Variants in MCC observed in about 807,000 individuals in gnomAD.
MCC encodes the protein MCC regulator of Wnt signaling pathway.
MCC carries 90 observed loss-of-function variants against 116.2 expected under a neutral mutation model. That is an observed-to-expected ratio of 0.77 (90% confidence interval 0.65 to 0.92). The LOEUF (loss-of-function observed/expected upper bound fraction) is 0.92. Among genes scored for constraint, MCC ranks in the 40% least tolerant of loss-of-function variants. MCC has a pLI of 0.00. For synonymous variants in MCC, 578 were observed against 510.5 expected (o/e 1.13, Z -1.78); for missense variants, 1,516 against 1,312.2 (o/e 1.16, Z -2.40).
chr5:113,279,012 T>C (rs559751001), intron 3 of MCC, among the ~76,000 whole-genome samples: 1 of 152,348 alleles, frequency 6.6e-6, no homozygotes, highest in East Asian at 1.9e-4. Context: ...GTCGTTGGTA[T>C]ATTAAAGGCA....
At position 113,318,043 on chromosome 5, in the gene MCC, G is replaced by A. The variant is rs887893902; in HGVS notation, c.627+22476C>T. ...ATCAATTATGAAGAGGTGGAGGTCA[G>A]AGGATTTCCAATTATTGATATTGCA... On this transcript the variant is annotated intron_variant, in intron 3 of 18. Coordinates refer to ENST00000408903, the MANE Select transcript of MCC (RefSeq NM_001085377.2). Among the ~76,000 whole-genome samples the A allele has an allele frequency of 2.6e-5, 4 of 152,324 alleles. No homozygotes were observed. The Middle Eastern group carries it at 0.01, about 389-fold the overall frequency.
chr5:113,236,126 T>G (rs894212554), intron 3 of MCC, among the ~76,000 whole-genome samples: 11 of 152,034 alleles, frequency 7.2e-5, no homozygotes, highest in Non-Finnish European at 1.5e-5. Flanking sequence ...TTAAAGGCTC[T>G]CTGATCTGCA....
intron 3 of MCC, among the ~76,000 whole-genome samples, chr5:113,180,006 T>C (rs1478266217): frequency 6.6e-6 from 1 of 152,180 alleles, no homozygotes; most frequent in Non-Finnish European, 1.5e-5. Flanking sequence ...ATGTGCTAAA[T>C]ATGCCCTAGA....
chr5:113,046,710 A>AAAAAAAG lies in MCC; in HGVS notation c.2655+2382_2655+2383insCTTTTTT. Among the ~76,000 whole-genome samples the AAAAAAAG allele has an allele frequency of 1.2e-3, 125 of 102,452 alleles. 17 individuals are homozygous for AAAAAAAG. Among genetic ancestry groups the AAAAAAAG allele is most frequent in the Non-Finnish European group, 1.6e-3 (82 of 51,336 alleles). 67.2% of individuals were successfully genotyped at this position (102,452 alleles called of 152,430 possible). ...CAAAAAAAAAAAAAAAAAAAAAAAAAAGAGAGAGATTTTGAAGGTGTTTGT... is the reference window on the plus strand; with the variant it reads ...CAAAAAAAAAAAAAAAAAAAAAAAAAAAAAAAGAGAGAGAGATTTTGAAGGTGTTTGT... On this transcript the variant is annotated intron_variant, in intron 16 of 18. Transcript: ENST00000408903.
intron 3 of MCC, among the ~76,000 whole-genome samples, chr5:113,190,353 G>A (rs762023427): frequency 6.6e-5 from 10 of 152,154 alleles, no homozygotes; most frequent in African/African-American, 9.7e-5. Context: ...GCAGGCAATC[G>A]CGCTTCCCTA....
At chr5:113,331,147 G>A (rs1767687393) in intron 3 of MCC, among the ~76,000 whole-genome samples, 1 of 148,376 alleles carries the variant, frequency 6.7e-6, no homozygotes, top group South Asian at 2.1e-4. Context: ...AGAGGTTCTG[G>A]GTTCCTGGCA....
intron 3 of MCC, among the ~76,000 whole-genome samples, chr5:113,332,794 ATTTT>A (rs2150375396): frequency 6.6e-6 from 1 of 151,764 alleles, no homozygotes; most frequent in South Asian, 2.1e-4. Context: ...TAACATCCAA[ATTTT>A]ACAGATTCTA....
intron 13 of MCC, among the ~76,000 whole-genome samples, chr5:113,065,574 C>T (rs1561772043): frequency 6.6e-6 from 1 of 152,138 alleles, no homozygotes; most frequent in Non-Finnish European, 1.5e-5. Flanking sequence ...CACTCAGAGT[C>T]CCACCCTCCA....
chr5:113,366,700 C>T (rs1432982653), intron 2 of MCC, among the ~76,000 whole-genome samples: 1 of 152,164 alleles, frequency 6.6e-6, no homozygotes, highest in Non-Finnish European at 1.5e-5. Flanking sequence ...TCCTCATTTA[C>T]TTAGATTTTA....
At chr5:113,145,807 A>C (rs73778950) in intron 4 of MCC, among the ~76,000 whole-genome samples, 15 of 107,108 alleles carry the variant, frequency 1.4e-4, no homozygotes, top group East Asian at 9.5e-4. Flanking sequence ...CACACACACA[A>C]AAGACCCTGT....
At chr5:113,206,586 G>A (rs967266561) in intron 3 of MCC, among the ~76,000 whole-genome samples, 3 of 152,108 alleles carry the variant, frequency 2.0e-5, no homozygotes, top group African/African-American at 7.2e-5. Flanking sequence ...GTTCATGCCT[G>A]TAATCCCAGC....
In MCC at chr5:113,023,146, T is replaced by TTAGAG. The variant is rs1750270370; in HGVS notation, c.*4151_*4155dup. 1 of 152,146 alleles carries TTAGAG rather than the reference T, an allele frequency of 6.6e-6. No individual in the cohort carries two copies. The highest frequency in any genetic ancestry group is 2.4e-5 in the African/African-American group (1 of 41,432). The allele number at this position is 152,146 out of a possible 1,614,324, so 9.4% of individuals were successfully genotyped here. ...TCTTAGAGAATACAAATGTATTAAG[T>TTAGAG]TAGAGTAATTTCAGGTGTGTTAAAC... On this transcript the variant is annotated 3_prime_UTR_variant, in exon 19 of 19. Coordinates refer to ENST00000408903, the MANE Select transcript of MCC (RefSeq NM_001085377.2).
At chr5:113,059,220 T>C (rs1356367479) in intron 14 of MCC, among the ~76,000 whole-genome samples, 1 of 152,154 alleles carries the variant, frequency 6.6e-6, no homozygotes, top group Non-Finnish European at 1.5e-5. Context: ...AAAATGCTTT[T>C]AGTGGAGAAA....
chr5:113,215,243 T>G (rs527619598), intron 3 of MCC, among the ~76,000 whole-genome samples: 1 of 152,194 alleles, frequency 6.6e-6, no homozygotes, highest in Admixed American at 6.5e-5. Flanking sequence ...CTTGGTATAA[T>G]AGCTTGTCTA....
At chr5:113,071,294 G>T in intron 11 of MCC, 60 bp from the exon 12 acceptor site, 1 of 1,568,298 alleles carries the variant, frequency 6.4e-7, no homozygotes, top group Non-Finnish European at 8.7e-7. Flanking sequence ...CAATATTTCA[G>T]TTGTCTCATT....
intron 9 of MCC, among the ~76,000 whole-genome samples, chr5:113,084,914 T>C (rs1388653269): frequency 6.6e-6 from 1 of 152,230 alleles, no homozygotes; most frequent in East Asian, 1.9e-4. Context: ...TAATGACTTG[T>C]CAGCTGTGAC....
intron 11 of MCC, among the ~76,000 whole-genome samples, chr5:113,075,366 G>T (rs900629991): frequency 6.6e-6 from 1 of 152,070 alleles, no homozygotes. Flanking sequence ...GATGGGTGCC[G>T]CCCCCTGCTC....
At chr5:113,127,593 T>C (rs550633599) in intron 5 of MCC, among the ~76,000 whole-genome samples, 11 of 152,382 alleles carry the variant, frequency 7.2e-5, no homozygotes, top group African/African-American at 2.6e-4. Context: ...TCCATTTCTC[T>C]AATGAGCAGC....
rs1401986689 is a variant in MCC at position 113,387,381 on chromosome 5, C to A, written c.171-2169G>T. On this transcript the variant is annotated intron_variant, in intron 1 of 18. Coordinates refer to ENST00000408903, the MANE Select transcript of MCC (RefSeq NM_001085377.2). Reference sequence around the variant, plus strand: ...TTTCATATAATATTTTCATATAAGACCTACCTGATATTCAGCCAGATTCAT... The same window carrying A: ...TTTCATATAATATTTTCATATAAGAACTACCTGATATTCAGCCAGATTCAT... Among the ~76,000 whole-genome samples the A allele has an allele frequency of 5.9e-5, 9 of 152,212 alleles. No homozygotes were observed. In the East Asian group the frequency reaches 1.7e-3, roughly 29 times the overall value.
Sources: gnomAD v4.1 joint callset for allele counts (sites outside exome capture counted in the v4.1 genomes callset) on GRCh38, gnomAD v4.1.1 for gene constraint, MANE v1.5 for transcripts, NCBI Gene and HGNC (gene_info 2026-07-23, HGNC 2026-07-21) for gene names.